Variants in FBLN2 observed in about 807,000 individuals in gnomAD.
FBLN2 encodes fibulin 2, also known as fibulin-2.
Under a neutral mutation model 123.7 loss-of-function variants are expected in FBLN2, and 81 were observed. That is an observed-to-expected ratio of 0.65 (90% confidence interval 0.55 to 0.79). FBLN2 has a LOEUF of 0.79. Ranked by LOEUF, FBLN2 falls within the 30% of genes least tolerant of loss-of-function variation. FBLN2 has a pLI of 0.00. For synonymous variants in FBLN2, 699 were observed against 701.4 expected, an observed-to-expected ratio of 1.00 and a Z score of 0.05; for missense variants, 1,603 against 1,681.3, an observed-to-expected ratio of 0.95 and a Z score of 0.81.
At chr3:13,598,946 C>T (rs1704936101) in intron 2 of FBLN2, among the ~76,000 whole-genome samples, 1 of 152,166 alleles carries the variant, frequency 6.6e-6, no homozygotes, top group Non-Finnish European at 1.5e-5. Flanking sequence ...GTTGGATACT[C>T]GCCAGTTGGC....
intron 2 of FBLN2, among the ~76,000 whole-genome samples, chr3:13,605,953 C>T (rs1014479226): frequency 5.3e-4 from 81 of 152,276 alleles, no homozygotes; most frequent in African/African-American, 1.9e-3. Context: ...GACAGAGTCT[C>T]ATTCTGTCAC....
At chr3:13,609,414 G>A in intron 3 of FBLN2, 99 bp from the exon 4 acceptor site, 1 of 1,367,474 alleles carries the variant, frequency 7.3e-7, no homozygotes, top group Non-Finnish European at 9.7e-7. Context: ...CCCTTGCTGT[G>A]GACCTTGGGC....
chr3:13,610,644 A>G (rs1297855243), intron 4 of FBLN2, among the ~76,000 whole-genome samples: 4 of 152,268 alleles, frequency 2.6e-5, no homozygotes, highest in African/African-American at 4.8e-5. Flanking sequence ...CAGTTTGTCT[A>G]CTAGAGCTCA....
intron 17 of FBLN2, among the ~76,000 whole-genome samples, chr3:13,637,139 C>G (rs112494555): frequency 0.011 from 1,677 of 152,306 alleles, 20 homozygotes; most frequent in Middle Eastern, 0.037. Context: ...GACCGCTACT[C>G]TGCCACCAGC....
rs113548166 is a variant in FBLN2 at position 13,631,776 on chromosome 3, A to C, written c.3214+319A>C. ...GAAGCCTGCCCAGTGAGGAGACGGC[A>C]GAAGAGCCGCAGGGGTCCCAGGCAG... is the stretch of plus-strand genomic sequence containing the variant. On this transcript the variant is annotated intron_variant, in intron 16 of 17. Transcript: ENST00000404922. 4.9e-3 allele frequency among the ~76,000 whole-genome samples: 750 copies of C among 152,342 alleles called. 7 individuals carry two copies. Among genetic ancestry groups the C allele is most frequent in the Non-Finnish European group, 7.9e-3 (540 of 68,028 alleles).
intron 2 of FBLN2, among the ~76,000 whole-genome samples, chr3:13,575,742 T>C (rs1408234007): frequency 6.6e-6 from 1 of 152,110 alleles, no homozygotes; most frequent in Non-Finnish European, 1.5e-5. Flanking sequence ...GAAGCTGCAC[T>C]GCATGCACCA....
At chr3:13,591,656 C>T (rs990408956) in intron 2 of FBLN2, among the ~76,000 whole-genome samples, 7 of 152,184 alleles carry the variant, frequency 4.6e-5, no homozygotes, top group Non-Finnish European at 1.0e-4. Flanking sequence ...GTCTTGATTA[C>T]TGTAGCCTTG....
chr3:13,553,245 C>T (rs960156963), intron 1 of FBLN2, among the ~76,000 whole-genome samples: 2 of 152,198 alleles, frequency 1.3e-5, no homozygotes, highest in African/African-American at 4.8e-5. Flanking sequence ...CAGGGCGTTC[C>T]GAGCAGAGGA....
At chr3:13,555,723 G>A (rs1021538493) in intron 1 of FBLN2, among the ~76,000 whole-genome samples, 19 of 152,334 alleles carry the variant, frequency 1.2e-4, no homozygotes, top group African/African-American at 4.1e-4. Flanking sequence ...CAAAGTGCTG[G>A]GATTACAGGC....
chr3:13,576,016 C>T (rs1016379458), intron 2 of FBLN2, among the ~76,000 whole-genome samples: 12 of 152,308 alleles, frequency 7.9e-5, no homozygotes, highest in Non-Finnish European at 1.2e-4. Flanking sequence ...TCGGCAAGGG[C>T]GAGTTCTGTG....
intron 12 of FBLN2, 55 bp from the exon 13 acceptor site, chr3:13,629,109 G>C (rs71306065): frequency 3.1e-6 from 5 of 1,612,748 alleles, no homozygotes; most frequent in South Asian, 1.1e-5. Flanking sequence ...CCACCCCTGG[G>C]AGGTGTGTGT....
chr3:13,588,494 T>C (rs1704576339), intron 2 of FBLN2, among the ~76,000 whole-genome samples: 2 of 152,218 alleles, frequency 1.3e-5, no homozygotes, highest in East Asian at 1.9e-4. Flanking sequence ...TGGCTTCTCA[T>C]TGGGAACCCT....
intron 2 of FBLN2, among the ~76,000 whole-genome samples, chr3:13,585,895 A>G (rs1222208000): frequency 6.6e-6 from 1 of 152,222 alleles, no homozygotes; most frequent in Non-Finnish European, 1.5e-5. Flanking sequence ...TGTATTTACT[A>G]TGTTTTTGTT....
At chr3:13,594,570 C>G (rs773485404) in intron 2 of FBLN2, among the ~76,000 whole-genome samples, 1 of 152,224 alleles carries the variant, frequency 6.6e-6, no homozygotes, top group Non-Finnish European at 1.5e-5. Context: ...GCACATCACT[C>G]TGCCTCCCTG....
chr3:13,637,019 G>A (rs542533472), intron 17 of FBLN2, among the ~76,000 whole-genome samples: 3 of 152,190 alleles, frequency 2.0e-5, no homozygotes, highest in African/African-American at 4.8e-5. Context: ...CCTCAGCTCC[G>A]CATCACATGA....
At chr3:13,620,800 A>C (rs1705823486) in intron 8 of FBLN2, among the ~76,000 whole-genome samples, 1 of 152,218 alleles carries the variant, frequency 6.6e-6, no homozygotes. Flanking sequence ...CATCCCTCCC[A>C]GAAGCTGAAA....
intron 5 of FBLN2, among the ~76,000 whole-genome samples, chr3:13,614,781 T>C (rs910534303): frequency 2.0e-5 from 3 of 150,098 alleles, no homozygotes; most frequent in African/African-American, 7.4e-5. Context: ...ATCCGTTTGT[T>C]TATCCATCCA....
In FBLN2 at chr3:13,631,418, C is replaced by A; in HGVS notation, c.3175C>A (p.Gln1059Lys). 2 of 1,599,976 alleles carry A rather than the reference C, an allele frequency of 1.3e-6. No individual in the cohort carries two copies. The highest frequency in any genetic ancestry group is 1.7e-6 in the Non-Finnish European group (2 of 1,173,604). The change falls in exon 16 of 18, where the codon CAG (glutamine) becomes AAG (lysine). Residue 1059 changes from glutamine (Q) to lysine (K), a missense_variant. By Grantham distance (53) the Gln-to-Lys change is moderately conservative (BLOSUM62 1). Transcript: ENST00000404922. ...GAGCTACCAGTGTGCATGCCCTGAGCAGGGCTACACCATGACGGCCAACGG... is the reference window on the plus strand; with the variant it reads ...GAGCTACCAGTGTGCATGCCCTGAGAAGGGCTACACCATGACGGCCAACGG... ...PGSYQCACPE[Q>K]GYTMTANGRS...
chr3:13,602,180 T>A (rs922912987), intron 2 of FBLN2, among the ~76,000 whole-genome samples: 2 of 152,256 alleles, frequency 1.3e-5, no homozygotes, highest in Non-Finnish European at 2.9e-5. Flanking sequence ...GTGTATGGTG[T>A]GATGTGGGTC....
Sources: gnomAD v4.1 joint callset for allele counts (sites outside exome capture counted in the v4.1 genomes callset) on GRCh38, gnomAD v4.1.1 for gene constraint, MANE v1.5 for transcripts, NCBI Gene and HGNC (gene_info 2026-07-23, HGNC 2026-07-21) for gene names.